CCSER1: variants seen among roughly 807,000 people sequenced by gnomAD.
The protein encoded by CCSER1 is serine-rich coiled-coil domain-containing protein 1.
In CCSER1, 41 loss-of-function variants were observed where a neutral mutation model predicts 82.0. The ratio of observed to expected loss-of-function variants is 0.50; its 90% confidence interval spans 0.39 to 0.65. CCSER1 has a LOEUF of 0.65. CCSER1 is among the 30% of genes least tolerant of loss of function. The pLI is 0.00. For missense variants in CCSER1, 1,119 were observed against 1,064.2 expected, an observed-to-expected ratio of 1.05 and a Z score of -0.72; for synonymous variants, 414 against 383.9, an observed-to-expected ratio of 1.08 and a Z score of -0.92.
chr4:91,489,846 C>A (rs1217286282), intron 10 of CCSER1, among the ~76,000 whole-genome samples: 3 of 151,694 alleles, frequency 2.0e-5, no homozygotes, highest in African/African-American at 7.3e-5. Flanking sequence ...ACTCTCTGAC[C>A]AAAACTTAAA....
intron 10 of CCSER1, among the ~76,000 whole-genome samples, chr4:91,209,575 G>A (rs893114431): frequency 1.3e-5 from 2 of 151,926 alleles, no homozygotes; most frequent in African/African-American, 4.8e-5. Context: ...CTTGATCATG[G>A]TGGATTAGCT....
intron 10 of CCSER1, among the ~76,000 whole-genome samples, chr4:91,251,817 A>G (rs1740281131): frequency 6.6e-6 from 1 of 152,192 alleles, no homozygotes; most frequent in Non-Finnish European, 1.5e-5. Context: ...TCCTATTTTC[A>G]GTTGTAATTA....
chr4:90,907,394 T>G (rs11097274), intron 8 of CCSER1, among the ~76,000 whole-genome samples: 1 of 151,840 alleles, frequency 6.6e-6, no homozygotes, highest in Non-Finnish European at 1.5e-5. Flanking sequence ...CTTGATGTGT[T>G]GAAAAATTCT....
intron 8 of CCSER1, among the ~76,000 whole-genome samples, chr4:90,903,084 G>A (rs1332318613): frequency 6.6e-6 from 1 of 152,074 alleles, no homozygotes; most frequent in Non-Finnish European, 1.5e-5. Context: ...CTCTAAAATT[G>A]ACTACATTCT....
At chr4:91,404,607 T>C (rs1343329390) in intron 10 of CCSER1, among the ~76,000 whole-genome samples, 1 of 152,198 alleles carries the variant, frequency 6.6e-6, no homozygotes, top group South Asian at 2.1e-4. Context: ...TTTGTTCTCA[T>C]TGGTTTCAAA....
intron 10 of CCSER1, among the ~76,000 whole-genome samples, chr4:91,404,187 G>T (rs1420382764): frequency 1.3e-5 from 2 of 152,128 alleles, no homozygotes; most frequent in African/African-American, 4.8e-5. Flanking sequence ...TTTGCATAGA[G>T]GTGTTTATAG....
At chr4:90,561,983 G>A (rs1384598807) in intron 5 of CCSER1, among the ~76,000 whole-genome samples, 1 of 152,070 alleles carries the variant, frequency 6.6e-6, no homozygotes, top group Non-Finnish European at 1.5e-5. Flanking sequence ...GAGGTCAGGA[G>A]TTTGAGACCA....
At chr4:91,203,116 T>G (rs957505207) in intron 10 of CCSER1, among the ~76,000 whole-genome samples, 1 of 151,814 alleles carries the variant, frequency 6.6e-6, no homozygotes, top group Non-Finnish European at 1.5e-5. Flanking sequence ...CCACCAACAG[T>G]GTAAAAGTGT....
intron 8 of CCSER1, among the ~76,000 whole-genome samples, chr4:90,911,692 C>A (rs2150193588): frequency 6.6e-6 from 1 of 152,282 alleles, no homozygotes; most frequent in South Asian, 2.1e-4. Flanking sequence ...ATCGCCTCAC[C>A]CAGGAAGCTC....
chr4:90,224,498 C>T (rs2153423057), intron 1 of CCSER1, among the ~76,000 whole-genome samples: 1 of 152,252 alleles, frequency 6.6e-6, no homozygotes, highest in East Asian at 1.9e-4. Flanking sequence ...TTGTTCATCA[C>T]CTGTGTTTAT....
intron 3 of CCSER1, among the ~76,000 whole-genome samples, chr4:90,324,797 G>A (rs1347371983): frequency 6.6e-6 from 1 of 152,136 alleles, no homozygotes; most frequent in Non-Finnish European, 1.5e-5. Context: ...GGTTTTTATG[G>A]TTTTAGGTCT....
chr4:90,867,332 T>C (rs1765868284), intron 8 of CCSER1, among the ~76,000 whole-genome samples: 1 of 152,084 alleles, frequency 6.6e-6, no homozygotes, highest in Admixed American at 6.6e-5. Context: ...AGGTAATTCA[T>C]CTTTCAAATA....
intron 5 of CCSER1, among the ~76,000 whole-genome samples, chr4:90,620,703 A>G (rs1441748537): frequency 6.6e-6 from 1 of 152,216 alleles, no homozygotes. Flanking sequence ...AAAGATTATT[A>G]AACAGTAAAA....
intron 7 of CCSER1, among the ~76,000 whole-genome samples, chr4:90,799,475 G>T (rs186775864): frequency 5.3e-5 from 8 of 152,182 alleles, no homozygotes; most frequent in African/African-American, 1.9e-4. Context: ...GTGTGTGGCC[G>T]TAGGCGTCGT....
At chr4:91,566,813 A>G (rs1022081664) in intron 10 of CCSER1, among the ~76,000 whole-genome samples, 1 of 151,856 alleles carries the variant, frequency 6.6e-6, no homozygotes, top group African/African-American at 2.4e-5. Context: ...TAACCTATCT[A>G]TTTTATTAAC....
intron 10 of CCSER1, among the ~76,000 whole-genome samples, chr4:91,467,736 C>A (rs1757006639): frequency 1.3e-5 from 2 of 152,124 alleles, no homozygotes; most frequent in South Asian, 4.1e-4. Flanking sequence ...ATGCAGCCAA[C>A]AGTCACATGA....
intron 1 of CCSER1, among the ~76,000 whole-genome samples, chr4:90,189,630 T>C (rs574517675): frequency 2.0e-5 from 3 of 152,076 alleles, no homozygotes; most frequent in African/African-American, 7.2e-5. Context: ...TTTCTTATCC[T>C]GTTATATCCT....
At chr4:90,262,262 C>A (rs1724470756) in intron 1 of CCSER1, among the ~76,000 whole-genome samples, 1 of 151,850 alleles carries the variant, frequency 6.6e-6, no homozygotes, top group Admixed American at 6.6e-5. Context: ...TTCTTTTTAT[C>A]CTCTTGAGGA....
intron 10 of CCSER1, among the ~76,000 whole-genome samples, chr4:91,359,515 T>C (rs939933604): frequency 1.2e-4 from 18 of 151,834 alleles, no homozygotes; most frequent in African/African-American, 4.3e-4. Context: ...GAACATAATG[T>C]TATTTTAGAG....
Sources: gnomAD v4.1 joint callset for allele counts (sites outside exome capture counted in the v4.1 genomes callset) on GRCh38, gnomAD v4.1.1 for gene constraint, MANE v1.5 for transcripts, NCBI Gene and HGNC (gene_info 2026-07-23, HGNC 2026-07-21) for gene names.